The following ITGB6 variants were observed in gnomAD, a reference collection of about 807,000 sequenced individuals.
The protein encoded by ITGB6 is integrin beta-6.
In ITGB6, 80 loss-of-function variants were observed where a neutral mutation model predicts 84.5. The observed-to-expected ratio is 0.95, with a 90% CI of 0.79 to 1.14. ITGB6 has a LOEUF of 1.14. ITGB6 is among the 50% of genes most tolerant of loss of function. The probability of loss-of-function intolerance (pLI) is 0.00; values close to 1 mark genes in which losing one functional copy is unlikely to be tolerated. For missense variants in ITGB6, 1,006 were observed against 968.0 expected (o/e 1.04, Z -0.52); for synonymous variants, 383 against 354.9 (o/e 1.08, Z -0.89).
intron 7 of ITGB6, among the ~76,000 whole-genome samples, chr2:160,157,993 T>A (rs1326417326): frequency 3.3e-5 from 5 of 152,138 alleles, no homozygotes; most frequent in African/African-American, 1.2e-4. Context: ...ATGCAGGGCT[T>A]CCAGTATTAT....
At chr2:160,114,557 C>G (rs1354119924) in intron 12 of ITGB6, among the ~76,000 whole-genome samples, 5 of 152,188 alleles carry the variant, frequency 3.3e-5, no homozygotes, top group Non-Finnish European at 7.3e-5. Flanking sequence ...CAGCTCCAGT[C>G]TACAGCACCC....
chr2:160,128,126 A>G (rs1683308386), intron 10 of ITGB6, among the ~76,000 whole-genome samples: 1 of 152,214 alleles, frequency 6.6e-6, no homozygotes, highest in African/African-American at 2.4e-5. Context: ...AGGTCATTGA[A>G]CTTATAATTT....
At chr2:160,171,403 T>C (rs553458303) in intron 6 of ITGB6, among the ~76,000 whole-genome samples, 9 of 151,544 alleles carry the variant, frequency 5.9e-5, no homozygotes, top group South Asian at 4.2e-4. Context: ...GGTGCGATCT[T>C]GGCTCACTGC....
At chr2:160,150,603 A>G (rs1684376294) in intron 7 of ITGB6, among the ~76,000 whole-genome samples, 1 of 152,212 alleles carries the variant, frequency 6.6e-6, no homozygotes. Context: ...ATTCACAAAT[A>G]ACAATATTAA....
intron 10 of ITGB6, among the ~76,000 whole-genome samples, chr2:160,135,441 G>A (rs1180485614): frequency 6.7e-6 from 1 of 148,656 alleles, no homozygotes; most frequent in African/African-American, 2.5e-5. Flanking sequence ...ATGCTCATGG[G>A]TAGGAAGAAT....
At chr2:160,164,757 A>C (rs1053322004) in intron 7 of ITGB6, among the ~76,000 whole-genome samples, 1 of 152,050 alleles carries the variant, frequency 6.6e-6, no homozygotes, top group Non-Finnish European at 1.5e-5. Context: ...GCATCTCATT[A>C]AGGTCCTGCT....
chr2:160,190,360 A>G (rs1202610728), intron 4 of ITGB6, among the ~76,000 whole-genome samples: 1 of 152,246 alleles, frequency 6.6e-6, no homozygotes, highest in African/African-American at 2.4e-5. Flanking sequence ...ATAATTAAAA[A>G]AAAAACACTC....
intron 12 of ITGB6, among the ~76,000 whole-genome samples, chr2:160,123,486 A>G (rs1389206789): frequency 6.6e-6 from 1 of 152,164 alleles, no homozygotes; most frequent in Non-Finnish European, 1.5e-5. Flanking sequence ...ATTTTTCTCC[A>G]TTTCTAGTTT....
chr2:160,197,845 C>A (rs1023923652), intron 2 of ITGB6, among the ~76,000 whole-genome samples: 1 of 152,184 alleles, frequency 6.6e-6, no homozygotes, highest in African/African-American at 2.4e-5. Flanking sequence ...AACCACATGA[C>A]CTATTTTCTA....
intron 12 of ITGB6, among the ~76,000 whole-genome samples, chr2:160,120,968 A>T (rs13014228): frequency 8.1e-5 from 12 of 148,302 alleles, no homozygotes; most frequent in African/African-American, 3.0e-4. Context: ...CTAAATGACG[A>T]GTTAATGGGT....
chr2:160,175,357 G>A lies in ITGB6; in HGVS notation c.594-1218C>T, dbSNP rs923955077. Among the ~76,000 whole-genome samples the A allele has an allele frequency of 5.3e-5, 8 of 152,132 alleles. No homozygotes were observed. In the East Asian group the frequency reaches 1.5e-3, roughly 29 times the overall value. On this transcript the variant is annotated intron_variant, in intron 4 of 14. Transcript: ENST00000283249. ...CTAATTAATACTTGCCGTGTTTTCTGAGTCATTCGTGGACATGTGTAGACA... is the reference window on the plus strand; with the variant it reads ...CTAATTAATACTTGCCGTGTTTTCTAAGTCATTCGTGGACATGTGTAGACA...
In ITGB6 at chr2:160,107,767, A is replaced by G; in HGVS notation, c.2180T>C (p.Leu727Pro). Residue 727 changes from leucine to proline, a missense_variant, in exon 14 of 15, where the codon CTG becomes CCG. Leu to Pro is a moderately conservative substitution (Grantham distance 98). Coordinates refer to ENST00000283249, the MANE Select transcript of ITGB6 (RefSeq NM_000888.5). ...LAILLIGVVL[L>P]CIWKLLVSFH... is the part of the protein sequence containing the mutation. The stretch of plus-strand genomic sequence containing the variant: ...TGACACCAGTAGCTTCCAGATGCAC[A>G]GTAGGACAACCCCGATGAGAAGAAT... 6.2e-7 allele frequency: 1 copy of G among 1,614,080 alleles called. No homozygotes were observed. The highest frequency in any genetic ancestry group is 8.5e-7 in the Non-Finnish European group (1 of 1,179,930).
intron 10 of ITGB6, among the ~76,000 whole-genome samples, chr2:160,135,354 A>C (rs1683662033): frequency 6.6e-6 from 1 of 151,928 alleles, no homozygotes; most frequent in Admixed American, 6.6e-5. Context: ...AAGGGATGTG[A>C]AGGACCTCTT....
intron 7 of ITGB6, among the ~76,000 whole-genome samples, chr2:160,157,441 A>T (rs766429465): frequency 1.3e-5 from 2 of 152,134 alleles, no homozygotes; most frequent in Non-Finnish European, 2.9e-5. Flanking sequence ...ATAGGTGTTG[A>T]CTGTATAGCC....
intron 13 of ITGB6, among the ~76,000 whole-genome samples, chr2:160,108,214 A>AGTGTGTGTGTGT (rs57363305): frequency 0.04 from 5,666 of 142,712 alleles, 216 homozygotes; most frequent in African/African-American, 0.083. Context: ...GCAGAAATGG[A>AGTGTGTGTGTGT]GTGTGTGTGT....
intron 2 of ITGB6, 92 bp from the exon 3 acceptor site, chr2:160,196,512 A>G (rs1686346095): frequency 9.4e-7 from 1 of 1,068,340 alleles, no homozygotes; most frequent in Non-Finnish European, 1.4e-6. Context: ...TTTCTGCACA[A>G]TTTGCTAGTT....
rs1195409458 is a variant in ITGB6 at position 160,117,465 on chromosome 2, G to A, written c.1982-5266C>T. ...GAAATAAAGATGTTCTTTGAAACCAGCGAGAACAAAGAAACAACATACCAG... is the reference window on the plus strand; with the variant it reads ...GAAATAAAGATGTTCTTTGAAACCAACGAGAACAAAGAAACAACATACCAG... On this transcript the variant is annotated intron_variant, in intron 12 of 14. Coordinates refer to ENST00000283249, the MANE Select transcript of ITGB6 (RefSeq NM_000888.5). Among the ~76,000 whole-genome samples, 10 of 152,162 alleles carry A rather than the reference G, an allele frequency of 6.6e-5. No homozygotes were observed. In the East Asian group the frequency reaches 7.7e-4, roughly 12 times the overall value.
chr2:160,116,524 G>A (rs1432299416), intron 12 of ITGB6, among the ~76,000 whole-genome samples: 1 of 152,138 alleles, frequency 6.6e-6, no homozygotes, highest in Admixed American at 6.5e-5. Flanking sequence ...CACTAAACAT[G>A]GAAAGGAACA....
intron 7 of ITGB6, among the ~76,000 whole-genome samples, chr2:160,150,140 C>T (rs1684354631): frequency 6.6e-6 from 1 of 152,078 alleles, no homozygotes; most frequent in Non-Finnish European, 1.5e-5. Context: ...AGGGAAACCC[C>T]AAGACACATA....
Sources: allele counts gnomAD v4.1 joint callset (sites outside exome capture counted in the v4.1 genomes callset), GRCh38; gene constraint gnomAD v4.1.1; transcripts MANE v1.5; gene names NCBI Gene and HGNC (gene_info 2026-07-23, HGNC 2026-07-21).